COL18A1: variants seen among roughly 807,000 people sequenced by gnomAD.
COL18A1 encodes collagen type XVIII alpha 1 chain.
Under a neutral mutation model 168.0 loss-of-function variants are expected in COL18A1, and 133 were observed. The ratio of observed to expected loss-of-function variants is 0.79; its 90% CI spans 0.69 to 0.91. The LOEUF (loss-of-function observed/expected upper bound fraction) is 0.91. COL18A1 is among the 40% of genes least tolerant of loss of function. The probability of loss-of-function intolerance (pLI) is 0.00; values close to 1 mark genes in which losing one functional copy is unlikely to be tolerated. For synonymous variants in COL18A1, 949 were observed against 809.0 expected (o/e 1.17, Z -2.94); for missense variants, 2,126 against 1,925.4 (o/e 1.10, Z -1.95).
chr21:45,497,467 G>T, intron 31 of COL18A1, 132 bp from the exon 32 acceptor site: 1 of 1,267,746 alleles, frequency 7.9e-7, no homozygotes, highest in South Asian at 1.3e-5. Context: ...CTCCTACCCT[G>T]ACTGTCCCCA....
chr21:45,505,241 C>G lies in COL18A1; in HGVS notation c.2976C>G (p.Pro992=), dbSNP rs753302606. ...GRQGPPGPPG[P]PGPPSFPGPH... ...AGGGCCCTCCCGGCCCCCCAGGCCC[C>G]CCAGGGCCCCCTTCATTTCCTGGCC... Residue 992 remains proline (P), a synonymous_variant, in exon 35 of 42, where the codon CCC becomes CCG. Transcript: ENST00000651438. 3.9e-5 allele frequency: 62 copies of G among 1,603,294 alleles called. No homozygotes were observed. The highest frequency in any genetic ancestry group is 4.9e-5 in the Non-Finnish European group (58 of 1,173,992).
In COL18A1 at chr21:45,480,134, C is replaced by A; in HGVS notation, c.1376C>A (p.Pro459His). 1 of 1,592,904 alleles carries A rather than the reference C, an allele frequency of 6.3e-7. No homozygotes were observed. Among genetic ancestry groups the A allele is most frequent in the Non-Finnish European group, 8.6e-7 (1 of 1,161,420 alleles). ...CAAGGGCCTCCAGGGCCCCCAGGAC[C>A]CTCCTTCAGACACGACAAGCTGGTA... ...GPQGPPGPPG[P>H]SFRHDKLTFI... The change falls in exon 11 of 42, where the codon CCC becomes CAC. Residue 459 changes from proline to histidine, a missense_variant. Transcript: ENST00000651438.
rs1368195490 is a variant in COL18A1 at position 45,505,287 on chromosome 21, G to GT, written c.3013+10dup. 2.5e-6 allele frequency: 4 copies of GT among 1,607,710 alleles called. No individual in the cohort carries two copies. The African/African-American group carries it at 4.0e-5, about 16-fold the overall frequency. On this transcript the variant is annotated intron_variant, in intron 35 of 41. Transcript: ENST00000651438. The stretch of plus-strand genomic sequence containing the variant: ...TGGCCCTCACAGGCAGAGTAAGTCA[G>GT]TGGGGAGTGGGCCCCGGGCAGAGGC...
At chr21:45,456,378 C>T in intron 2 of COL18A1, 1 of 1,549,802 alleles carries the variant, frequency 6.5e-7, no homozygotes, top group Non-Finnish European at 8.7e-7. Flanking sequence ...GCCTTCTCCT[C>T]TGGGCTCCCG....
rs995444201 is a variant in COL18A1, at chr21:45,413,941, C to T, written c.106+8468C>T. Among the ~76,000 whole-genome samples the T allele has an allele frequency of 8.5e-5, 13 of 152,310 alleles. No individual in the cohort carries two copies. The South Asian group carries it at 1.0e-3, about 12-fold the overall frequency. On this transcript the variant is annotated intron_variant, in intron 2 of 41. Coordinates refer to ENST00000651438, the MANE Select transcript of COL18A1 (RefSeq NM_001379500.1). ...TGAGCTGGTCCATGGAGCTGGGAGG[C>T]GTCTTCTAGTATAAATTCTCATTTC...
chr21:45,418,630 C>T (rs746067733), intron 2 of COL18A1, among the ~76,000 whole-genome samples: 2 of 105,022 alleles, frequency 1.9e-5, no homozygotes, highest in Non-Finnish European at 4.0e-5. Flanking sequence ...CTGACCCCAC[C>T]GTGTCCACAG....
chr21:45,511,962 G>A (rs147330542), intron 41 of COL18A1, among the ~76,000 whole-genome samples: 83 of 152,206 alleles, frequency 5.5e-4, no homozygotes, highest in Middle Eastern at 3.4e-3. Context: ...CCCCTCTGCC[G>A]TGGGTGTGTC....
intron 32 of COL18A1, among the ~76,000 whole-genome samples, chr21:45,503,568 T>C (rs558794148): frequency 1.4e-3 from 195 of 141,492 alleles, no homozygotes; most frequent in African/African-American, 4.8e-3. Context: ...TTCTCACTCA[T>C]AGGTGGGAAC....
chr21:45,460,102 G>A (rs1019040826), intron 2 of COL18A1, among the ~76,000 whole-genome samples: 4 of 149,894 alleles, frequency 2.7e-5, no homozygotes, highest in East Asian at 2.0e-4. Flanking sequence ...TGTGCGTGCC[G>A]CAAGTGTGGC....
chr21:45,464,454 C>T (rs1034389745), intron 2 of COL18A1, among the ~76,000 whole-genome samples: 2 of 152,124 alleles, frequency 1.3e-5, no homozygotes, highest in African/African-American at 4.8e-5. Context: ...GTGGGGGCAC[C>T]GTGTCCATCC....
At chr21:45,496,137 T>G in intron 29 of COL18A1, 1 of 378,954 alleles carries the variant, frequency 2.6e-6, no homozygotes, top group East Asian at 6.4e-5. Flanking sequence ...TGCTGGGGGT[T>G]CTCCCGCTCA....
intron 32 of COL18A1, among the ~76,000 whole-genome samples, chr21:45,501,433 C>T (rs1030290364): frequency 4.6e-5 from 7 of 152,030 alleles, no homozygotes; most frequent in Admixed American, 2.6e-4. Flanking sequence ...GGGCTGAAAG[C>T]AGGCCTGGCT....
intron 29 of COL18A1, chr21:45,495,877 G>A (rs1231431318): frequency 3.2e-6 from 1 of 315,128 alleles, no homozygotes; most frequent in Non-Finnish European, 6.2e-6. Context: ...ATCCACATGT[G>A]TATCCACATA....
At chr21:45,447,925 C>T (rs2034537919) in intron 2 of COL18A1, among the ~76,000 whole-genome samples, 1 of 152,150 alleles carries the variant, frequency 6.6e-6, no homozygotes, top group Non-Finnish European at 1.5e-5. Context: ...CAGGAGAAGA[C>T]AGAGGCAGCG....
chr21:45,441,032 C>T (rs1231485125), intron 2 of COL18A1, among the ~76,000 whole-genome samples: 6 of 152,226 alleles, frequency 3.9e-5, no homozygotes, highest in South Asian at 2.1e-4. Flanking sequence ...TGCTTGCCCC[C>T]GGGATGCAAA....
intron 2 of COL18A1, among the ~76,000 whole-genome samples, chr21:45,411,759 C>CGGGGGGGGGGGGGGGGGGGGGGGG (rs1437966551): frequency 1.3e-4 from 1 of 7,580 alleles, no homozygotes. Context: ...GGGCTGATGG[C>CGGGGGGGGGGGGGGGGGGGGGGGG]GGGGGGTGGG....
At chr21:45,450,840 T>C (rs2034604561) in intron 2 of COL18A1, among the ~76,000 whole-genome samples, 1 of 152,228 alleles carries the variant, frequency 6.6e-6, no homozygotes. Flanking sequence ...GCCAGCTGCT[T>C]CAACGTTTGG....
chr21:45,474,341 A>ATG (rs1226896545), intron 4 of COL18A1, among the ~76,000 whole-genome samples: 1 of 129,726 alleles, frequency 7.7e-6, no homozygotes, highest in Non-Finnish European at 1.6e-5. Context: ...TTGTGTGTGG[A>ATG]TGTGTGTGTG....
intron 2 of COL18A1, among the ~76,000 whole-genome samples, chr21:45,412,647 G>C (rs1053661308): frequency 3.9e-5 from 6 of 152,206 alleles, no homozygotes; most frequent in Admixed American, 1.3e-4. Context: ...CTGCGGCCCA[G>C]GCACACAGAC....
Sources: gnomAD v4.1 joint callset for allele counts (sites outside exome capture counted in the v4.1 genomes callset) on GRCh38, gnomAD v4.1.1 for gene constraint, MANE v1.5 for transcripts, NCBI Gene and HGNC (gene_info 2026-07-23, HGNC 2026-07-21) for gene names.